The following ANKRD36 variants were observed in gnomAD, a reference collection of about 807,000 sequenced individuals.
ANKRD36 encodes the protein ankyrin repeat domain-containing protein 36A.
In ANKRD36, 179 loss-of-function variants were observed where a neutral mutation model predicts 278.1. The ratio of observed to expected loss-of-function variants is 0.64; its 90% CI spans 0.57 to 0.73. The LOEUF (loss-of-function observed/expected upper bound fraction) is 0.73, where lower values mean the gene tolerates loss of function less well. Among genes scored for constraint, ANKRD36 ranks in the 30% least tolerant of loss-of-function variants. The probability of loss-of-function intolerance (pLI) is 0.00; values close to 1 mark genes in which losing one functional copy is unlikely to be tolerated. For missense variants in ANKRD36, 1,159 were observed against 1,956.7 expected (o/e 0.59, Z 7.69); for synonymous variants, 320 against 641.1 (o/e 0.50, Z 7.57).
chr2:97,169,523 T>C (rs1246575380), intron 22 of ANKRD36, among the ~76,000 whole-genome samples: 3 of 152,304 alleles, frequency 2.0e-5, no homozygotes, highest in Non-Finnish European at 2.9e-5. Context: ...CATGATTGTA[T>C]ATTTAGGAAA....
intron 34 of ANKRD36, 85 bp downstream of exon 34, chr2:97,189,375 G>A: frequency 1.7e-6 from 1 of 571,710 alleles, no homozygotes; most frequent in South Asian, 1.5e-5. Flanking sequence ...CGGAGGGTGG[G>A]TGGGGGGCTC....
At chr2:97,209,099 G>A (rs1472387128) in intron 54 of ANKRD36, among the ~76,000 whole-genome samples, 1 of 146,412 alleles carries the variant, frequency 6.8e-6, no homozygotes, top group African/African-American at 2.7e-5. Flanking sequence ...ACACTACATG[G>A]GTGTGAAAGA....
chr2:97,180,390 G>A (rs111339763), intron 24 of ANKRD36, among the ~76,000 whole-genome samples: 8 of 151,548 alleles, frequency 5.3e-5, no homozygotes, highest in Non-Finnish European at 1.0e-4. Context: ...TTTCCTCAAG[G>A]AAGAGGGATT....
intron 12 of ANKRD36, among the ~76,000 whole-genome samples, chr2:97,150,657 T>C (rs2045673949): frequency 6.6e-6 from 1 of 152,060 alleles, no homozygotes; most frequent in Non-Finnish European, 1.5e-5. Context: ...TAGAAGAAAA[T>C]AAAATTTAGA....
intron 67 of ANKRD36, among the ~76,000 whole-genome samples, chr2:97,231,513 C>T (rs1426467749): frequency 2.0e-5 from 3 of 152,142 alleles, no homozygotes; most frequent in Non-Finnish European, 4.4e-5. Flanking sequence ...GTGGGAGTAA[C>T]CCAATTTTCC....
intron 22 of ANKRD36, among the ~76,000 whole-genome samples, chr2:97,172,338 T>C (rs2052821501): frequency 6.6e-6 from 1 of 151,932 alleles, no homozygotes; most frequent in African/African-American, 2.4e-5. Context: ...TCTTGATTTA[T>C]TGTATGATCT....
chr2:97,196,853 A>G (rs997352506), intron 42 of ANKRD36, 65 bp downstream of exon 42: 38 of 1,537,660 alleles, frequency 2.5e-5, no homozygotes, highest in African/African-American at 8.3e-5. Context: ...TCTTCCCCAA[A>G]TAAATCAGCG....
intron 69 of ANKRD36, among the ~76,000 whole-genome samples, chr2:97,242,455 A>G (rs1258406308): frequency 6.7e-6 from 1 of 148,156 alleles, no homozygotes; most frequent in Non-Finnish European, 1.5e-5. Context: ...GTTTAATTAA[A>G]TATTAGATCT....
rs539104412 is a variant in ANKRD36 at position 97,124,795 on chromosome 2, G to A, written c.731+198G>A. 2.6e-5 allele frequency among the ~76,000 whole-genome samples: 4 copies of A among 152,002 alleles called. No homozygotes were observed. The East Asian group carries it at 7.7e-4, about 29-fold the overall frequency. ...TCAAGCAAAAGAAATCAAGAAAAAG[G>A]CTAGATAAGTAGCAGTAGGTGCAAG... On this transcript the variant is annotated intron_variant, in intron 5 of 75. Transcript: ENST00000420699.
intron 48 of ANKRD36, among the ~76,000 whole-genome samples, chr2:97,203,078 T>G (rs1387476241): frequency 6.6e-6 from 1 of 151,830 alleles, no homozygotes; most frequent in Non-Finnish European, 1.5e-5. Flanking sequence ...CAGAGATACA[T>G]GTTTTGTTGA....
At chr2:97,248,256 A>G (rs1223542668) in intron 72 of ANKRD36, 1 of 114,244 alleles carries the variant, frequency 8.8e-6, no homozygotes, top group Non-Finnish European at 1.5e-5. Context: ...GCCAACATGT[A>G]TCTATTTTCT....
In ANKRD36 at chr2:97,183,634, G is replaced by T; in HGVS notation, c.1919G>T (p.Gly640Val). Residue 640 changes from glycine to valine, a missense_variant, in exon 28 of 76, where the codon GGT becomes GTT. Coordinates refer to ENST00000420699, the MANE Select transcript of ANKRD36 (RefSeq NM_001354587.1). ...SLLNIATRIM[G>V]GGKSGTVSSQ... ...TTGAATATTGCCACAAGAATAATGG[G>T]TGGTGGGAAATCTGGAACAGGTAAT... 6.3e-7 allele frequency: 1 copy of T among 1,574,908 alleles called. No homozygotes were observed. Among genetic ancestry groups the T allele is most frequent in the East Asian group, 2.3e-5 (1 of 42,804 alleles).
At chr2:97,117,174 T>G (rs1178181710) in intron 1 of ANKRD36, among the ~76,000 whole-genome samples, 8 of 152,048 alleles carry the variant, frequency 5.3e-5, no homozygotes, top group Admixed American at 2.6e-4. Flanking sequence ...AATACCTAAT[T>G]TACATAACAT....
Position 97,198,266 on chromosome 2 carries a change from C to A in ANKRD36, c.2654-197C>A, listed in dbSNP as rs561034036. ...TCATACCATGTTTGAAATTCTAAGA[C>A]TATATTTCATGGAGCCTGTATTCCC... On this transcript the variant is annotated intron_variant, in intron 42 of 75. Transcript: ENST00000420699. 3.9e-5 allele frequency among the ~76,000 whole-genome samples: 6 copies of A among 152,012 alleles called. No homozygotes were observed. In the East Asian group the frequency reaches 9.8e-4, roughly 25 times the overall value.
chr2:97,159,137 T>C (rs933164349), intron 17 of ANKRD36, among the ~76,000 whole-genome samples: 2 of 151,996 alleles, frequency 1.3e-5, no homozygotes, highest in Admixed American at 6.6e-5. Flanking sequence ...TATCAAATTA[T>C]AGAATTATTT....
intron 50 of ANKRD36, among the ~76,000 whole-genome samples, chr2:97,204,497 A>C (rs184517393): frequency 6.6e-6 from 1 of 151,432 alleles, no homozygotes; most frequent in Non-Finnish European, 1.5e-5. Context: ...AAATATGGAG[A>C]GCAGTTCAAG....
chr2:97,202,909 T>C (rs1302570726), intron 48 of ANKRD36, among the ~76,000 whole-genome samples: 2 of 151,752 alleles, frequency 1.3e-5, no homozygotes, highest in Non-Finnish European at 2.9e-5. Flanking sequence ...GGGTTTCTGC[T>C]GAGGAAACCT....
intron 24 of ANKRD36, among the ~76,000 whole-genome samples, chr2:97,180,564 C>G (rs938649366): frequency 6.6e-6 from 1 of 151,720 alleles, no homozygotes; most frequent in African/African-American, 2.4e-5. Flanking sequence ...GTGCTAGAAT[C>G]GGGATAAACC....
At chr2:97,177,060 G>A (rs1192151341) in intron 22 of ANKRD36, among the ~76,000 whole-genome samples, 1 of 151,568 alleles carries the variant, frequency 6.6e-6, no homozygotes, top group Non-Finnish European at 1.5e-5. Context: ...CAAATCATGA[G>A]TGAACTCCCA....
Sources: allele counts gnomAD v4.1 joint callset (sites outside exome capture counted in the v4.1 genomes callset), GRCh38; gene constraint gnomAD v4.1.1; transcripts MANE v1.5; gene names NCBI Gene and HGNC (gene_info 2026-07-23, HGNC 2026-07-21).